Variants in PEX5L observed in about 807,000 individuals in gnomAD.
PEX5L encodes PEX5-related protein.
PEX5L carries 30 observed loss-of-function variants against 84.0 expected under a neutral mutation model. The observed-to-expected ratio is 0.36, with a 90% confidence interval of 0.27 to 0.48. The LOEUF is 0.48. Ranked by LOEUF, PEX5L falls within the 20% of genes least tolerant of loss-of-function variation. The probability of loss-of-function intolerance (pLI) is 0.99; values close to 1 mark genes in which losing one functional copy is unlikely to be tolerated. For missense variants in PEX5L, 533 were observed against 754.6 expected (o/e 0.71, Z 3.44); for synonymous variants, 270 against 283.1 (o/e 0.95, Z 0.46).
At chr3:179,884,656 C>T (rs148856547) in intron 4 of PEX5L, among the ~76,000 whole-genome samples, 8 of 152,344 alleles carry the variant, frequency 5.3e-5, no homozygotes, top group African/African-American at 1.9e-4. Flanking sequence ...CAGGTCTCAT[C>T]TCTCCATAGC....
chr3:179,801,929 G>A lies in PEX5L; in HGVS notation c.1780C>T (p.Leu594Phe). The A allele has an allele frequency of 6.2e-7, 1 of 1,613,782 alleles. No individual in the cohort carries two copies. Among genetic ancestry groups the A allele is most frequent in the Non-Finnish European group, 8.5e-7 (1 of 1,179,744 alleles). ...TCCATCAGAGAGAGCGCAATTCTGA[G>A]GGCAGCCCAGATATTCCCAGAGATT... ...PAISGNIWAA[L>F]RIALSLMDQP... Residue 594 changes from leucine (L) to phenylalanine (F), a missense_variant, in exon 15 of 15, where the codon CTC (leucine) becomes TTC (phenylalanine). Physicochemically the swap from Leu to Phe is conservative, Grantham distance 22. Around this residue, in one of 8 missense-constraint regions of PEX5L, gnomAD observed 105 missense variants for 204.6 expected, o/e 0.51. Transcript: ENST00000467460.
intron 2 of PEX5L, among the ~76,000 whole-genome samples, chr3:179,947,402 A>G (rs938085139): frequency 6.6e-6 from 1 of 152,096 alleles, no homozygotes; most frequent in African/African-American, 2.4e-5. Flanking sequence ...AAACCCTTAC[A>G]CCAATTATGG....
At chr3:179,975,425 G>A (rs1437524641) in intron 1 of PEX5L, among the ~76,000 whole-genome samples, 1 of 152,108 alleles carries the variant, frequency 6.6e-6, no homozygotes, top group Non-Finnish European at 1.5e-5. Flanking sequence ...ATACTCATTA[G>A]GAATGGAATA....
At chr3:180,030,474 C>T (rs1049562480) in intron 1 of PEX5L, among the ~76,000 whole-genome samples, 8 of 152,350 alleles carry the variant, frequency 5.3e-5, no homozygotes, top group Admixed American at 5.2e-4. Context: ...TTATCCCTTT[C>T]CTAAATAGCC....
chr3:179,819,747 A>G (rs1007850682), intron 9 of PEX5L, 113 bp downstream of exon 9: 16 of 919,218 alleles, frequency 1.7e-5, no homozygotes, highest in Non-Finnish European at 2.4e-5. Context: ...TTGACATTAA[A>G]TTGTCTTTTT....
At chr3:179,894,658 A>ACTAGT (rs1253687714) in intron 3 of PEX5L, among the ~76,000 whole-genome samples, 1 of 152,184 alleles carries the variant, frequency 6.6e-6, no homozygotes, top group Non-Finnish European at 1.5e-5. Flanking sequence ...GCAGCCTTGA[A>ACTAGT]AATATTCTTC....
intron 8 of PEX5L, among the ~76,000 whole-genome samples, chr3:179,847,083 A>G (rs2339909): frequency 0.025 from 1,982 of 78,262 alleles, 19 homozygotes; most frequent in Middle Eastern, 0.044. Flanking sequence ...GTGTGTGTGT[A>G]TATATATATA....
At chr3:179,870,615 T>G (rs955137045) in intron 7 of PEX5L, among the ~76,000 whole-genome samples, 8 of 152,172 alleles carry the variant, frequency 5.3e-5, no homozygotes, top group Admixed American at 5.2e-4. Context: ...TCATTTCCCC[T>G]AAAAATAATT....
In PEX5L at chr3:179,898,129, T is replaced by TA; in HGVS notation, c.198+12_198+13insT. 1 of 1,541,424 alleles carries TA rather than the reference T, an allele frequency of 6.5e-7. No individual in the cohort carries two copies. Among genetic ancestry groups the TA allele is most frequent in the South Asian group, 1.1e-5 (1 of 89,202 alleles). ...ATGTCAGCTTCCTACAGAAACCCTATGGGTCTGCCCACCTGTGATGTCATA... is the reference window on the plus strand; with the variant it reads ...ATGTCAGCTTCCTACAGAAACCCTATAGGGTCTGCCCACCTGTGATGTCATA... On this transcript the variant is annotated intron_variant, in intron 3 of 14. Coordinates refer to ENST00000467460, the MANE Select transcript of PEX5L (RefSeq NM_016559.3).
At chr3:180,032,562 G>C (rs1791555043) in intron 1 of PEX5L, among the ~76,000 whole-genome samples, 1 of 152,180 alleles carries the variant, frequency 6.6e-6, no homozygotes, top group South Asian at 2.1e-4. Context: ...ACACAGGATG[G>C]AAAAGGGTGA....
intron 1 of PEX5L, among the ~76,000 whole-genome samples, chr3:179,992,573 G>C (rs1257377457): frequency 2.0e-5 from 3 of 152,154 alleles, no homozygotes; most frequent in African/African-American, 7.2e-5. Context: ...GCCAGAGCTG[G>C]AGTAGGTAAA....
At chr3:179,929,173 A>AT (rs958665169) in intron 2 of PEX5L, among the ~76,000 whole-genome samples, 10 of 151,598 alleles carry the variant, frequency 6.6e-5, no homozygotes, top group Non-Finnish European at 1.0e-4. Flanking sequence ...AGAAACCCTG[A>AT]TTTTTTTTTA....
chr3:179,900,795 C>G, intron 2 of PEX5L: 1 of 1,187,562 alleles, frequency 8.4e-7, no homozygotes, highest in Non-Finnish European at 1.2e-6. Context: ...TCTTTACAGC[C>G]TTTTTTGGCT....
intron 2 of PEX5L, among the ~76,000 whole-genome samples, chr3:179,954,590 A>G (rs1392409050): frequency 2.0e-5 from 3 of 152,102 alleles, no homozygotes; most frequent in Non-Finnish European, 4.4e-5. Flanking sequence ...GGCATTGTGC[A>G]GTAACTACTG....
rs113001006 is a variant in PEX5L at position 179,853,330 on chromosome 3, C to T, written c.822+5732G>A. On this transcript the variant is annotated intron_variant, in intron 8 of 14. Transcript: ENST00000467460. ...ATGTTGCAGCACTTAGAGAGACTAG[C>T]TAAACACAATACCAGATGCTGGCTG... 6.6e-5 allele frequency among the ~76,000 whole-genome samples: 10 copies of T among 152,300 alleles called. 1 individual carries two copies. The highest frequency in any genetic ancestry group is 2.4e-4 in the African/African-American group (10 of 41,570).
Position 179,801,229 on chromosome 3 carries a change from G to A in PEX5L, c.*599C>T, listed in dbSNP as rs1204594155. 6.5e-6 allele frequency: 1 copy of A among 153,718 alleles called. No individual in the cohort carries two copies. The highest frequency in any genetic ancestry group is 1.9e-4 in the East Asian group (1 of 5,208). The allele number at this position is 153,718 out of a possible 1,614,324, so 9.5% of individuals were successfully genotyped here. A position where few individuals can be genotyped will look rare whatever the true frequency, so the allele number is the denominator to read the frequency against. ...ACAATACCAGAAAAGTTTAGATTGG[G>A]AACAGCAAAAATTTCTAGTGCAAAA... On this transcript the variant is annotated 3_prime_UTR_variant, in exon 15 of 15. Coordinates refer to ENST00000467460, the MANE Select transcript of PEX5L (RefSeq NM_016559.3).
chr3:179,966,690 T>G (rs369528541), intron 2 of PEX5L, among the ~76,000 whole-genome samples: 4 of 152,204 alleles, frequency 2.6e-5, no homozygotes, highest in African/African-American at 9.6e-5. Context: ...AGGACAGAAT[T>G]GCAATCCAAC....
rs1328378260 is a variant in PEX5L at position 179,992,771 on chromosome 3, TA to T, written c.22-21107del. On this transcript the variant is annotated intron_variant, in intron 1 of 14. Coordinates refer to ENST00000467460, the MANE Select transcript of PEX5L (RefSeq NM_016559.3). Reference sequence around the variant, plus strand: ...CAAGATGGTTAAGAAGCATGTGAGATAAAATCATAATACAAGAAGACTTCAG... The same window carrying T: ...CAAGATGGTTAAGAAGCATGTGAGATAAATCATAATACAAGAAGACTTCAG... 2.6e-5 allele frequency among the ~76,000 whole-genome samples: 4 copies of T among 152,156 alleles called. No individual in the cohort carries two copies. The East Asian group carries it at 7.7e-4, about 29-fold the overall frequency.
intron 1 of PEX5L, among the ~76,000 whole-genome samples, chr3:180,010,158 G>A (rs1789304292): frequency 1.3e-5 from 2 of 151,704 alleles, no homozygotes; most frequent in South Asian, 4.2e-4. Flanking sequence ...TGTTAGCCAG[G>A]ATGGTCTCAA....
Sources: allele counts gnomAD v4.1 joint callset (sites outside exome capture counted in the v4.1 genomes callset), GRCh38; gene constraint gnomAD v4.1.1; regional missense constraint gnomAD v4.1.1; transcripts MANE v1.5; gene names NCBI Gene and HGNC (gene_info 2026-07-23, HGNC 2026-07-21).